Variants in TNR observed in about 807,000 individuals in gnomAD.
TNR encodes the protein tenascin-R.
In TNR, 45 loss-of-function variants were observed where a neutral mutation model predicts 150.4. That is an observed-to-expected ratio of 0.30 (90% confidence interval 0.24 to 0.38). The LOEUF (loss-of-function observed/expected upper bound fraction) is 0.38, where lower values mean the gene tolerates loss of function less well. Among genes scored for constraint, TNR ranks in the 10% least tolerant of loss-of-function variants. The probability of loss-of-function intolerance (pLI) is 1.00; values close to 1 mark genes in which losing one functional copy is unlikely to be tolerated. For missense variants in TNR, 1,544 were observed against 1,759.1 expected, an observed-to-expected ratio of 0.88 and a Z score of 2.19; for synonymous variants, 687 against 678.4, an observed-to-expected ratio of 1.01 and a Z score of -0.20.
At chr1:175,656,129 G>A (rs1212186353) in intron 1 of TNR, among the ~76,000 whole-genome samples, 2 of 150,078 alleles carry the variant, frequency 1.3e-5, no homozygotes, top group East Asian at 3.9e-4. Flanking sequence ...GGAAGACGGG[G>A]AGGAAGGTTG....
At chr1:175,558,737 A>G (rs773049447) in intron 1 of TNR, among the ~76,000 whole-genome samples, 1 of 152,108 alleles carries the variant, frequency 6.6e-6, no homozygotes. Flanking sequence ...TTCCTTCTTT[A>G]TTATAATTTT....
At chr1:175,517,608 C>T (rs774906746) in intron 2 of TNR, among the ~76,000 whole-genome samples, 12 of 152,194 alleles carry the variant, frequency 7.9e-5, no homozygotes, top group Non-Finnish European at 1.8e-4. Flanking sequence ...TAGAATTGGA[C>T]TCGCCATGAG....
At chr1:175,490,088 A>G (rs1658179858) in intron 2 of TNR, among the ~76,000 whole-genome samples, 1 of 152,222 alleles carries the variant, frequency 6.6e-6, no homozygotes, top group Non-Finnish European at 1.5e-5. Context: ...CAACCATCTG[A>G]TCTTTGACAA....
chr1:175,407,810 G>A (rs1654027765), intron 2 of TNR, among the ~76,000 whole-genome samples: 2 of 152,196 alleles, frequency 1.3e-5, no homozygotes, highest in Admixed American at 1.3e-4. Context: ...AATGGAGGAA[G>A]TTCTTCCAAG....
At chr1:175,514,783 G>A (rs185066584) in intron 2 of TNR, among the ~76,000 whole-genome samples, 2 of 152,322 alleles carry the variant, frequency 1.3e-5, no homozygotes, top group African/African-American at 4.8e-5. Context: ...AGCACAGCAT[G>A]ATAAATGCCA....
intron 2 of TNR, among the ~76,000 whole-genome samples, chr1:175,515,112 A>C (rs961379689): frequency 6.6e-6 from 1 of 152,218 alleles, no homozygotes; most frequent in African/African-American, 2.4e-5. Flanking sequence ...TGGAGAATGG[A>C]AGTGTGGCTG....
chr1:175,386,146 G>A lies in TNR; in HGVS notation c.1663C>T (p.Pro555Ser), dbSNP rs754509445. The A allele has an allele frequency of 1.2e-5, 19 of 1,613,152 alleles. No homozygotes were observed. Among genetic ancestry groups the A allele is most frequent in the Non-Finnish European group, 1.6e-5 (19 of 1,179,248 alleles). Reference protein sequence around the residue: ...GGRTTFRLQPPLSQYSVQALR... With the variant: ...GGRTTFRLQPSLSQYSVQALR... Reference sequence around the variant, plus strand: ...GCCTGCACTGAGTATTGGCTCAGGGGAGGCTGCAGCCGGAAGGTGGTCCTC... The same window carrying A: ...GCCTGCACTGAGTATTGGCTCAGGGAAGGCTGCAGCCGGAAGGTGGTCCTC... Residue 555 changes from proline to serine, a missense_variant, in exon 8 of 23, where the codon CCC (proline) becomes TCC (serine). Physicochemically the swap from Pro to Ser is moderately conservative, Grantham distance 74 (BLOSUM62 -1). Coordinates refer to ENST00000367674, the MANE Select transcript of TNR (RefSeq NM_003285.3).
At chr1:175,324,797 C>T (rs2101978734) in intron 21 of TNR, among the ~76,000 whole-genome samples, 1 of 152,300 alleles carries the variant, frequency 6.6e-6, no homozygotes, top group African/African-American at 2.4e-5. Flanking sequence ...ACCCCACCCC[C>T]AACCCTCAGC....
intron 20 of TNR, 38 bp downstream of exon 20, chr1:175,335,673 G>A (rs200197054): frequency 1.2e-4 from 194 of 1,578,166 alleles, no homozygotes; most frequent in East Asian, 1.6e-4. Flanking sequence ...CAAAAAGCCA[G>A]AGAAGCACAT....
intron 1 of TNR, among the ~76,000 whole-genome samples, chr1:175,634,498 C>A (rs960154622): frequency 6.6e-6 from 1 of 152,178 alleles, no homozygotes; most frequent in African/African-American, 2.4e-5. Flanking sequence ...AGTGGCTTAT[C>A]TCAATAACCC....
intron 2 of TNR, among the ~76,000 whole-genome samples, chr1:175,427,457 C>G (rs543263840): frequency 1.1e-3 from 171 of 152,116 alleles, no homozygotes; most frequent in African/African-American, 3.8e-3. Flanking sequence ...TCTTTGAAAT[C>G]TGGTATGTAT....
At chr1:175,700,959 C>T (rs887446531) in intron 1 of TNR, among the ~76,000 whole-genome samples, 3 of 152,312 alleles carry the variant, frequency 2.0e-5, no homozygotes, top group Non-Finnish European at 2.9e-5. Context: ...AAATAAATAC[C>T]CATCTTCAGC....
intron 14 of TNR, among the ~76,000 whole-genome samples, chr1:175,360,200 G>A (rs929844477): frequency 1.3e-5 from 2 of 152,184 alleles, no homozygotes; most frequent in African/African-American, 2.4e-5. Context: ...AGAGCTTCAG[G>A]AAGTGTGGTG....
chr1:175,704,526 C>A (rs894341232), intron 1 of TNR, among the ~76,000 whole-genome samples: 2 of 152,312 alleles, frequency 1.3e-5, no homozygotes, highest in South Asian at 4.1e-4. Context: ...TGCTGGAAGT[C>A]GGCCCTGATC....
At chr1:175,626,929 T>C (rs1361032455) in intron 1 of TNR, among the ~76,000 whole-genome samples, 1 of 152,148 alleles carries the variant, frequency 6.6e-6, no homozygotes, top group Non-Finnish European at 1.5e-5. Flanking sequence ...GAAGTTAAGA[T>C]TGCAGTGATG....
chr1:175,722,623 C>A (rs908383593), intron 1 of TNR, among the ~76,000 whole-genome samples: 2 of 151,604 alleles, frequency 1.3e-5, no homozygotes, highest in Non-Finnish European at 2.9e-5. Flanking sequence ...CACCACCATG[C>A]CCAGCTAATC....
intron 1 of TNR, among the ~76,000 whole-genome samples, chr1:175,603,052 C>G (rs190541261): frequency 1.4e-4 from 21 of 152,266 alleles, no homozygotes; most frequent in African/African-American, 5.1e-4. Flanking sequence ...TGTGCTAGTT[C>G]TGAGGGGACA....
chr1:175,642,205 AG>A (rs1664685305), intron 1 of TNR, among the ~76,000 whole-genome samples: 1 of 152,204 alleles, frequency 6.6e-6, no homozygotes, highest in Non-Finnish European at 1.5e-5. Context: ...CCAGTCCACA[AG>A]GGATAACCAG....
chr1:175,729,766 G>A (rs745357699), intron 1 of TNR, among the ~76,000 whole-genome samples: 4 of 152,130 alleles, frequency 2.6e-5, no homozygotes, highest in Non-Finnish European at 5.9e-5. Context: ...CTGGCCTTAG[G>A]TTGTTAAAAC....
Sources: allele counts gnomAD v4.1 joint callset (sites outside exome capture counted in the v4.1 genomes callset), GRCh38; gene constraint gnomAD v4.1.1; transcripts MANE v1.5; gene names NCBI Gene and HGNC (gene_info 2026-07-23, HGNC 2026-07-21).